The following RFX8 variants were observed in gnomAD, a reference collection of about 807,000 sequenced individuals.
RFX8 encodes the protein regulatory factor X8, also known as DNA-binding protein RFX8.
In RFX8, 46 loss-of-function variants were observed where a neutral mutation model predicts 54.6. The ratio of observed to expected loss-of-function variants is 0.84; its 90% CI spans 0.67 to 1.08. The LOEUF is 1.08. Ranked by LOEUF, RFX8 falls within the 50% of genes least tolerant of loss-of-function variation. RFX8 has a pLI of 0.00. For missense variants in RFX8, 536 were observed against 562.3 expected, an observed-to-expected ratio of 0.95 and a Z score of 0.47; for synonymous variants, 192 against 209.5, an observed-to-expected ratio of 0.92 and a Z score of 0.72.
chr2:101,408,410 T>A (rs1183983679), intron 9 of RFX8, among the ~76,000 whole-genome samples: 2 of 149,784 alleles, frequency 1.3e-5, no homozygotes, highest in Admixed American at 6.7e-5. Flanking sequence ...GCGTGAACCC[T>A]GGGGGCGGAG....
intron 2 of RFX8, among the ~76,000 whole-genome samples, chr2:101,454,462 G>A (rs1397296479): frequency 6.6e-6 from 1 of 152,158 alleles, no homozygotes; most frequent in Non-Finnish European, 1.5e-5. Context: ...GAACCTTGAG[G>A]AAGCACCACA....
chr2:101,458,036 G>C (rs376652058), intron 2 of RFX8, among the ~76,000 whole-genome samples: 3 of 152,186 alleles, frequency 2.0e-5, no homozygotes, highest in East Asian at 3.9e-4. Flanking sequence ...TGCAACCCCT[G>C]CTTTTTTTTC....
chr2:101,439,493 T>A (rs1286380725), intron 2 of RFX8, among the ~76,000 whole-genome samples: 1 of 152,156 alleles, frequency 6.6e-6, no homozygotes, highest in Non-Finnish European at 1.5e-5. Context: ...TTTTTAAAGT[T>A]TAATATTATG....
chr2:101,450,647 G>C, intron 2 of RFX8: 1 of 1,513,210 alleles, frequency 6.6e-7, no homozygotes, highest in Middle Eastern at 1.7e-4. Flanking sequence ...AGAAGAAAGA[G>C]CTTTTCTTGA....
At chr2:101,400,508 G>A (rs1405485936) in intron 11 of RFX8, among the ~76,000 whole-genome samples, 1 of 152,052 alleles carries the variant, frequency 6.6e-6, no homozygotes, top group Non-Finnish European at 1.5e-5. Context: ...CTGGCTCCTA[G>A]GCTATAAATT....
In RFX8 at chr2:101,469,000, A is replaced by ATATATG. The variant is rs1276460116; in HGVS notation, c.-52-2101_-52-2100insCATATA. On this transcript the variant is annotated intron_variant, in intron 1 of 11. Transcript: ENST00000428343. ...TAAGTATATATATATAAGTATATATATACGTATATATATATAGGTATATAT... is the reference window on the plus strand; with the variant it reads ...TAAGTATATATATATAAGTATATATATATATGTACGTATATATATATAGGTATATAT... 3.5e-4 allele frequency among the ~76,000 whole-genome samples: 11 copies of ATATATG among 31,460 alleles called. 1 individual carries two copies. In the East Asian group the frequency reaches 7.1e-3, roughly 20 times the overall value. The allele number at this position is 31,460 out of a possible 152,430, so 20.6% of individuals were successfully genotyped here.
At chr2:101,430,860 A>G (rs1687443766) in intron 2 of RFX8, among the ~76,000 whole-genome samples, 1 of 152,210 alleles carries the variant, frequency 6.6e-6, no homozygotes, top group African/African-American at 2.4e-5. Context: ...AATAAGACAG[A>G]AGAAAATATC....
intron 8 of RFX8, 90 bp downstream of exon 8, chr2:101,412,825 T>C: frequency 8.2e-7 from 1 of 1,222,432 alleles, no homozygotes; most frequent in East Asian, 2.5e-5. Context: ...GTTCTACCCC[T>C]ATTAAGAAAT....
intron 2 of RFX8, among the ~76,000 whole-genome samples, chr2:101,444,667 T>C (rs550148889): frequency 6.1e-4 from 93 of 152,156 alleles, no homozygotes; most frequent in Non-Finnish European, 6.3e-4. Flanking sequence ...CAAAGTCATA[T>C]AAGTCATACA....
rs1174093558 is a variant in RFX8, at chr2:101,431,106, T to C, written c.73-8634A>G. Among the ~76,000 whole-genome samples the C allele has an allele frequency of 8.9e-5, 9 of 101,238 alleles. No individual in the cohort carries two copies. The South Asian group carries it at 2.3e-3, about 26-fold the overall frequency. The allele number at this position is 101,238 out of a possible 152,430, so 66.4% of individuals were successfully genotyped here. The stretch of plus-strand genomic sequence containing the variant: ...AATACACTGAGCTCCATCCATCCAT[T>C]CATTCATCCATCCATCCATCCAACC... On this transcript the variant is annotated intron_variant, in intron 2 of 11. Coordinates refer to ENST00000428343, the MANE Select transcript of RFX8 (RefSeq NM_001145664.2).
chr2:101,474,002 G>T (rs887705426), intron 1 of RFX8, among the ~76,000 whole-genome samples: 7 of 152,290 alleles, frequency 4.6e-5, no homozygotes, highest in Admixed American at 4.6e-4. Context: ...GCCGATTCGG[G>T]CCCGGGGCTT....
chr2:101,473,964 A>G (rs1573509569), intron 1 of RFX8, among the ~76,000 whole-genome samples: 1 of 152,198 alleles, frequency 6.6e-6, no homozygotes, highest in Admixed American at 6.5e-5. Context: ...ACAACGGGGA[A>G]GTCACAGATG....
intron 11 of RFX8, among the ~76,000 whole-genome samples, chr2:101,400,122 G>T (rs1443470036): frequency 6.6e-6 from 1 of 152,318 alleles, no homozygotes; most frequent in African/African-American, 2.4e-5. Flanking sequence ...GAGACTGTCA[G>T]CGTCTGCTCT....
At chr2:101,413,654 C>G (rs867998148) in intron 7 of RFX8, among the ~76,000 whole-genome samples, 1 of 152,038 alleles carries the variant, frequency 6.6e-6, no homozygotes, top group Non-Finnish European at 1.5e-5. Flanking sequence ...GCTCTTGGGG[C>G]GTGAAGTAAC....
intron 2 of RFX8, among the ~76,000 whole-genome samples, chr2:101,444,666 A>T (rs1364171944): frequency 6.6e-6 from 1 of 152,256 alleles, no homozygotes; most frequent in Non-Finnish European, 1.5e-5. Flanking sequence ...GCAAAGTCAT[A>T]TAAGTCATAC....
At chr2:101,414,996 G>C in intron 6 of RFX8, 84 bp from the exon 7 acceptor site, 2 of 1,071,872 alleles carry the variant, frequency 1.9e-6, no homozygotes, top group Non-Finnish European at 2.7e-6. Context: ...TGCATGTTTG[G>C]GGTAGGAAGG....
At chr2:101,414,198 C>T (rs2104557665) in intron 7 of RFX8, among the ~76,000 whole-genome samples, 1 of 152,344 alleles carries the variant, frequency 6.6e-6, no homozygotes, top group South Asian at 2.1e-4. Context: ...GTCATAGGCT[C>T]TGCTATGACG....
intron 2 of RFX8, among the ~76,000 whole-genome samples, chr2:101,449,445 G>A (rs1469257723): frequency 2.0e-5 from 3 of 152,174 alleles, no homozygotes; most frequent in Non-Finnish European, 4.4e-5. Context: ...TTACCAAAAA[G>A]AGTGAGTTCA....
At chr2:101,430,970 A>G (rs1335654696) in intron 2 of RFX8, among the ~76,000 whole-genome samples, 1 of 152,214 alleles carries the variant, frequency 6.6e-6, no homozygotes, top group Non-Finnish European at 1.5e-5. Context: ...TAGTTGTGAG[A>G]CTTTCTTCAA....
Sources: allele counts gnomAD v4.1 joint callset (sites outside exome capture counted in the v4.1 genomes callset), GRCh38; gene constraint gnomAD v4.1.1; transcripts MANE v1.5; gene names NCBI Gene and HGNC (gene_info 2026-07-23, HGNC 2026-07-21).